Variants in CD247 observed in about 807,000 individuals in gnomAD.
CD247 encodes CD247 molecule.
Under a neutral mutation model 30.0 loss-of-function variants are expected in CD247, and 13 were observed. The observed-to-expected ratio is 0.43, with a 90% CI of 0.28 to 0.69. The LOEUF (loss-of-function observed/expected upper bound fraction) is 0.69. Among genes scored for constraint, CD247 ranks in the 30% least tolerant of loss-of-function variants. The pLI, the probability that CD247 is intolerant of heterozygous loss-of-function variation, is 0.16. For synonymous variants in CD247, 72 were observed against 80.0 expected (o/e 0.90, Z 0.53); for missense variants, 193 against 212.6 (o/e 0.91, Z 0.57).
intron 1 of CD247, among the ~76,000 whole-genome samples, chr1:167,460,967 T>A (rs922598887): frequency 6.6e-6 from 1 of 152,224 alleles, no homozygotes; most frequent in African/African-American, 2.4e-5. Flanking sequence ...GGAGGTGTGT[T>A]TGTCAGTTTG....
At chr1:167,491,358 C>T (rs773593845) in intron 1 of CD247, among the ~76,000 whole-genome samples, 28 of 152,142 alleles carry the variant, frequency 1.8e-4, no homozygotes, top group Admixed American at 5.2e-4. Context: ...CACCTGAGGT[C>T]GGGAGTTCGA....
chr1:167,465,453 C>G (rs905045122), intron 1 of CD247, among the ~76,000 whole-genome samples: 4 of 151,800 alleles, frequency 2.6e-5, no homozygotes, highest in Non-Finnish European at 5.9e-5. Context: ...CTCAGCCTCC[C>G]GAGTAGCTGG....
chr1:167,453,820 T>C (rs1652490684), intron 1 of CD247, among the ~76,000 whole-genome samples: 1 of 151,986 alleles, frequency 6.6e-6, no homozygotes, highest in Admixed American at 6.6e-5. Context: ...ATTAGCTGGG[T>C]GTGGTGGCAC....
At chr1:167,501,355 G>A (rs1654900551) in intron 1 of CD247, among the ~76,000 whole-genome samples, 1 of 152,036 alleles carries the variant, frequency 6.6e-6, no homozygotes, top group Non-Finnish European at 1.5e-5. Context: ...CACTGCGCCC[G>A]GCCTCCTATT....
intron 1 of CD247, among the ~76,000 whole-genome samples, chr1:167,511,080 G>A (rs978810816): frequency 1.3e-5 from 2 of 152,238 alleles, no homozygotes; most frequent in South Asian, 2.1e-4. Context: ...TGAACCCCAG[G>A]CTAAAATATG....
intron 1 of CD247, among the ~76,000 whole-genome samples, chr1:167,511,935 C>T (rs1326697097): frequency 1.3e-5 from 2 of 152,144 alleles, no homozygotes; most frequent in Non-Finnish European, 2.9e-5. Context: ...TAAACAAAGG[C>T]ATGGAAACTC....
At chr1:167,435,833 C>G (rs1371600185) in intron 4 of CD247, among the ~76,000 whole-genome samples, 1 of 152,252 alleles carries the variant, frequency 6.6e-6, no homozygotes, top group East Asian at 1.9e-4. Flanking sequence ...CCTCCCCACA[C>G]CCTCCTAGTC....
At chr1:167,438,092 T>C (rs976041078) in intron 4 of CD247, among the ~76,000 whole-genome samples, 5 of 152,076 alleles carry the variant, frequency 3.3e-5, no homozygotes, top group African/African-American at 1.2e-4. Context: ...GACCCTACCC[T>C]ACTGTGGTGT....
chr1:167,439,320 GGGTCTAC>G lies in CD247; in HGVS notation c.219+17_219+23del. On this transcript the variant is annotated intron_variant, in intron 3 of 7. Coordinates refer to ENST00000362089, the MANE Select transcript of CD247 (RefSeq NM_198053.3). ...GAGGAGGCTGCCCTTCCTTTCCGGA[GGGTCTAC>G]GGCGAGGCTGACTTACGTTATAGAG... 6.2e-7 allele frequency: 1 copy of G among 1,610,790 alleles called. No homozygotes were observed.
Position 167,433,023 on chromosome 1 carries a change from C to T in CD247, c.429+1G>A. 1.2e-6 allele frequency: 2 copies of T among 1,614,204 alleles called. No individual in the cohort carries two copies. The highest frequency in any genetic ancestry group is 1.7e-6 in the Non-Finnish European group (2 of 1,179,982). The stretch of plus-strand genomic sequence containing the variant: ...ACTGAAGGGACGCCGGCAGCTCCTA[C>T]CTGGTAAAGGCCATCGTGCCCCTTG... On this transcript the variant is annotated splice_donor_variant, in intron 7 of 7. Coordinates refer to ENST00000362089, the MANE Select transcript of CD247 (RefSeq NM_198053.3). LOFTEE classifies it high-confidence loss of function.
chr1:167,470,286 C>T (rs891194922), intron 1 of CD247, among the ~76,000 whole-genome samples: 4 of 152,082 alleles, frequency 2.6e-5, no homozygotes, highest in African/African-American at 9.7e-5. Flanking sequence ...CCAGTTCTCT[C>T]CTGAAATCCA....
intron 1 of CD247, among the ~76,000 whole-genome samples, chr1:167,497,642 T>C (rs888135498): frequency 1.4e-4 from 22 of 152,188 alleles, no homozygotes; most frequent in African/African-American, 5.1e-4. Flanking sequence ...AGGATGAGGA[T>C]GCATCCTGGC....
At position 167,433,067 on chromosome 1, in the gene CD247, T is replaced by G. The variant is rs1651354617; in HGVS notation, c.394-8A>C. The stretch of plus-strand genomic sequence containing the variant: ...CCCCTTGCCCCTCCGGCGCTGGTTG[T>G]TTGGGAGTGAAATGAGAAAAGGATT... On this transcript the variant is annotated splice_region_variant and splice_polypyrimidine_tract_variant and intron_variant, in intron 6 of 7. Coordinates refer to ENST00000362089, the MANE Select transcript of CD247 (RefSeq NM_198053.3). The G allele has an allele frequency of 1.2e-6, 2 of 1,613,914 alleles. No individual in the cohort carries two copies. Among genetic ancestry groups the G allele is most frequent in the Non-Finnish European group, 1.7e-6 (2 of 1,179,952 alleles).
chr1:167,465,088 A>G (rs1653180331), intron 1 of CD247, among the ~76,000 whole-genome samples: 2 of 151,564 alleles, frequency 1.3e-5, no homozygotes, highest in Non-Finnish European at 2.9e-5. Flanking sequence ...CTTCCTGTCC[A>G]TATATTTATT....
chr1:167,517,497 C>T (rs1655662821), intron 1 of CD247, among the ~76,000 whole-genome samples: 1 of 152,244 alleles, frequency 6.6e-6, no homozygotes, highest in South Asian at 2.1e-4. Context: ...TTTTCTTCCT[C>T]ATTACCTGGG....
intron 1 of CD247, among the ~76,000 whole-genome samples, chr1:167,505,118 G>A (rs1229250486): frequency 6.6e-6 from 1 of 152,020 alleles, no homozygotes; most frequent in African/African-American, 2.4e-5. Flanking sequence ...CTTGTACATA[G>A]CTGACATTTT....
In CD247 at chr1:167,432,724, C is replaced by A. The variant is rs142354433; in HGVS notation, c.429+300G>T. 1.9e-3 allele frequency among the ~76,000 whole-genome samples: 288 copies of A among 152,318 alleles called. 3 individuals carry two copies. Among genetic ancestry groups the A allele is most frequent in the African/African-American group, 6.8e-3 (284 of 41,582 alleles). On this transcript the variant is annotated intron_variant, in intron 7 of 7. Coordinates refer to ENST00000362089, the MANE Select transcript of CD247 (RefSeq NM_198053.3). ...AGGCAGGATAATCACTTGTGTGGTC[C>A]TTTGCCTCCATCTGCATCGGCGGGG... is the stretch of plus-strand genomic sequence containing the variant.
intron 1 of CD247, among the ~76,000 whole-genome samples, chr1:167,464,026 A>ATAAAGGCATG (rs1314415837): frequency 6.6e-6 from 1 of 152,216 alleles, no homozygotes; most frequent in Non-Finnish European, 1.5e-5. Context: ...AATAAGACAC[A>ATAAAGGCATG]TGCCTTTAAT....
chr1:167,433,136 C>T, intron 6 of CD247, 77 bp from the exon 7 acceptor site: 1 of 1,456,600 alleles, frequency 6.9e-7, no homozygotes, highest in Non-Finnish European at 9.6e-7. Flanking sequence ...TCAAGGGCCC[C>T]TCCCAAGGTA....
Sources: allele counts gnomAD v4.1 joint callset (sites outside exome capture counted in the v4.1 genomes callset), GRCh38; gene constraint gnomAD v4.1.1; transcripts MANE v1.5; gene names NCBI Gene and HGNC (gene_info 2026-07-23, HGNC 2026-07-21).